Variants in MANBA observed in about 807,000 individuals in gnomAD.
MANBA encodes beta-mannosidase.
A neutral mutation model predicts 111.1 loss-of-function variants in MANBA; 83 were observed. The ratio of observed to expected loss-of-function variants is 0.75; its 90% CI spans 0.63 to 0.90. The LOEUF (loss-of-function observed/expected upper bound fraction) is 0.90. Ranked by LOEUF, MANBA falls within the 40% of genes least tolerant of loss-of-function variation. MANBA has a pLI of 0.00. For missense variants in MANBA, 1,036 were observed against 1,069.0 expected (o/e 0.97, Z 0.43); for synonymous variants, 370 against 378.7 (o/e 0.98, Z 0.27).
At chr4:102,716,452 A>AAAGTTCGTG (rs1269148239) in intron 4 of MANBA, among the ~76,000 whole-genome samples, 14 of 152,170 alleles carry the variant, frequency 9.2e-5, no homozygotes, top group African/African-American at 2.7e-4. Flanking sequence ...GTGAAGCCCA[A>AAAGTTCGTG]AAGCAATCAG....
At chr4:102,680,389 T>A (rs1173401000) in intron 7 of MANBA, among the ~76,000 whole-genome samples, 1 of 152,186 alleles carries the variant, frequency 6.6e-6, no homozygotes, top group Non-Finnish European at 1.5e-5. Flanking sequence ...GAGAGAAATG[T>A]CTGAGCTGAT....
intron 4 of MANBA, among the ~76,000 whole-genome samples, chr4:102,719,935 T>C (rs533619883): frequency 6.6e-6 from 1 of 152,362 alleles, no homozygotes; most frequent in East Asian, 1.9e-4. Flanking sequence ...AGCAGAAAAC[T>C]GGATCTGATT....
intron 5 of MANBA, among the ~76,000 whole-genome samples, chr4:102,698,042 T>C (rs1434105443): frequency 1.5e-4 from 23 of 151,968 alleles, no homozygotes; most frequent in Non-Finnish European, 3.1e-4. Flanking sequence ...TTTTTAATGA[T>C]TGCCATTCTA....
intron 5 of MANBA, among the ~76,000 whole-genome samples, chr4:102,712,036 T>A (rs1243082052): frequency 6.6e-6 from 1 of 152,216 alleles, no homozygotes; most frequent in Non-Finnish European, 1.5e-5. Flanking sequence ...ACATGTATGG[T>A]ATATTTCAAA....
intron 2 of MANBA, among the ~76,000 whole-genome samples, chr4:102,725,205 C>A (rs1397420263): frequency 6.6e-6 from 1 of 152,066 alleles, no homozygotes; most frequent in East Asian, 1.9e-4. Flanking sequence ...ATACTAAAAA[C>A]CATTGAATTA....
chr4:102,716,534 G>C (rs1722341635), intron 4 of MANBA, among the ~76,000 whole-genome samples: 1 of 152,070 alleles, frequency 6.6e-6, no homozygotes, highest in South Asian at 2.1e-4. Context: ...CTGGGTACCT[G>C]TCTCTCCCTT....
intron 2 of MANBA, among the ~76,000 whole-genome samples, chr4:102,725,881 G>C (rs1206150881): frequency 6.6e-6 from 1 of 152,080 alleles, no homozygotes; most frequent in Non-Finnish European, 1.5e-5. Context: ...CTGGAAAATG[G>C]TGTTACATCA....
chr4:102,689,530 A>G, intron 7 of MANBA, 44 bp downstream of exon 7: 2 of 1,266,270 alleles, frequency 1.6e-6, no homozygotes, highest in African/African-American at 1.5e-5. Flanking sequence ...TATTTTTAAA[A>G]GAAATAAAAT....
At chr4:102,737,682 T>C (rs1030919429) in intron 1 of MANBA, among the ~76,000 whole-genome samples, 3 of 151,888 alleles carry the variant, frequency 2.0e-5, no homozygotes, top group Non-Finnish European at 4.4e-5. Context: ...CAGGGTTTCA[T>C]CGTGTTAGCC....
intron 7 of MANBA, among the ~76,000 whole-genome samples, chr4:102,685,090 T>C (rs1010853304): frequency 3.3e-5 from 5 of 152,066 alleles, no homozygotes; most frequent in African/African-American, 1.2e-4. Flanking sequence ...AGTAACCTAG[T>C]GATGGATGTC....
chr4:102,656,500 C>T (rs1475100406), intron 12 of MANBA, among the ~76,000 whole-genome samples: 1 of 152,114 alleles, frequency 6.6e-6, no homozygotes, highest in Non-Finnish European at 1.5e-5. Flanking sequence ...GGTGCAATCA[C>T]TACAGAAAAC....
At chr4:102,736,520 C>T (rs1238077058) in intron 1 of MANBA, among the ~76,000 whole-genome samples, 1 of 152,186 alleles carries the variant, frequency 6.6e-6, no homozygotes, top group Non-Finnish European at 1.5e-5. Context: ...GACTTTACCC[C>T]AGATACAATT....
intron 7 of MANBA, among the ~76,000 whole-genome samples, chr4:102,674,947 C>G (rs1278147556): frequency 6.6e-6 from 1 of 152,186 alleles, no homozygotes; most frequent in Non-Finnish European, 1.5e-5. Flanking sequence ...CCACCATTCT[C>G]CTGCTTCCTG....
chr4:102,636,971 T>C (rs1729660128), intron 14 of MANBA, among the ~76,000 whole-genome samples: 2 of 152,110 alleles, frequency 1.3e-5, no homozygotes, highest in South Asian at 4.1e-4. Flanking sequence ...GTCTTTCCTA[T>C]GCTGTTCTTG....
intron 1 of MANBA, chr4:102,730,224 G>T: frequency 1.7e-6 from 1 of 593,488 alleles, no homozygotes. Flanking sequence ...GATCCCAGAA[G>T]GAGTGGAGAA....
intron 10 of MANBA, chr4:102,667,840 G>A (rs907571964): frequency 4.1e-4 from 63 of 152,100 alleles, no homozygotes; most frequent in African/African-American, 1.5e-3. Flanking sequence ...CGAGAAAATG[G>A]ATTTGTTTCC....
intron 1 of MANBA, among the ~76,000 whole-genome samples, chr4:102,748,409 A>C (rs1456128485): frequency 1.3e-5 from 2 of 152,116 alleles, no homozygotes; most frequent in African/African-American, 4.8e-5. Flanking sequence ...TATTAAGTTA[A>C]AGAAAAAGGT....
At chr4:102,646,295 T>C (rs1026878706) in intron 13 of MANBA, among the ~76,000 whole-genome samples, 1 of 152,108 alleles carries the variant, frequency 6.6e-6, no homozygotes, top group Non-Finnish European at 1.5e-5. Flanking sequence ...CCTACTCTCA[T>C]CTTAAAAGCT....
chr4:102,752,579 C>A, intron 1 of MANBA: 1 of 649,480 alleles, frequency 1.5e-6, no homozygotes, highest in South Asian at 1.4e-5. Flanking sequence ...TTTCAGTGGA[C>A]AAGCAGACAA....
Sources: allele counts gnomAD v4.1 joint callset (sites outside exome capture counted in the v4.1 genomes callset), GRCh38; gene constraint gnomAD v4.1.1; transcripts MANE v1.5; gene names NCBI Gene and HGNC (gene_info 2026-07-23, HGNC 2026-07-21).